Variants in ASNSD1 observed in about 807,000 individuals in gnomAD.
ASNSD1 encodes the protein asparagine synthetase domain containing 1.
ASNSD1 carries 36 observed loss-of-function variants against 48.3 expected under a neutral mutation model. The ratio of observed to expected loss-of-function variants is 0.75; its 90% CI spans 0.57 to 0.99. The LOEUF (loss-of-function observed/expected upper bound fraction) is 0.99. Ranked by LOEUF, ASNSD1 falls within the 50% of genes least tolerant of loss-of-function variation. ASNSD1 has a pLI of 0.00. For missense variants in ASNSD1, 714 were observed against 758.2 expected, an observed-to-expected ratio of 0.94 and a Z score of 0.69; for synonymous variants, 257 against 262.1, an observed-to-expected ratio of 0.98 and a Z score of 0.19.
Position 189,666,384 on chromosome 2 carries a change from G to A in ASNSD1, c.252G>A (p.Lys84=). 1 of 1,613,974 alleles carries A rather than the reference G, an allele frequency of 6.2e-7. No individual in the cohort carries two copies. Among genetic ancestry groups the A allele is most frequent in the Non-Finnish European group, 8.5e-7 (1 of 1,179,952 alleles). The stretch of plus-strand genomic sequence containing the variant: ...ATGGAGAAATTTTTAGTGGAATAAA[G>A]GTTGAAGCTGAAGAGAATGACACTC... The part of the protein sequence containing the change: ...LWNGEIFSGI[K]VEAEENDTQI... Residue 84 remains lysine (K), a synonymous_variant, in exon 4 of 6, where the codon AAG becomes AAA. Transcript: ENST00000260952.
intron 1 of ASNSD1, 138 bp from the exon 2 acceptor site, chr2:189,663,763 T>G (rs761066229): frequency 1.5e-5 from 5 of 334,426 alleles, no homozygotes; most frequent in Non-Finnish European, 2.7e-5. Flanking sequence ...ATCTGTATAT[T>G]CACAAACTGC....
In ASNSD1 at chr2:189,666,163, T is replaced by C; in HGVS notation, c.31T>C (p.Ser11Pro). The change falls in exon 4 of 6, where the codon TCT becomes CCT. Residue 11 changes from serine (S) to proline (P), a missense_variant. Transcript: ENST00000260952. ...TGGCATTTGTTGTTCTGTAAACTTTTCTGCTGAGCATTTCAGTCAAGATTT... is the reference window on the plus strand; with the variant it reads ...TGGCATTTGTTGTTCTGTAAACTTTCCTGCTGAGCATTTCAGTCAAGATTT... Reference protein sequence around the residue: MCGICCSVNFSAEHFSQDLKE... With the variant: MCGICCSVNFPAEHFSQDLKE... 1 of 1,590,756 alleles carries C rather than the reference T, an allele frequency of 6.3e-7. No individual in the cohort carries two copies. The highest frequency in any genetic ancestry group is 1.2e-5 in the South Asian group (1 of 86,508).
rs1020286316 is a variant in ASNSD1, at chr2:189,667,483, C to T, written c.1351C>T (p.Pro451Ser). The T allele has an allele frequency of 1.9e-6, 3 of 1,614,114 alleles. No individual in the cohort carries two copies. The highest frequency in any genetic ancestry group is 2.5e-6 in the Non-Finnish European group (3 of 1,180,028). The change falls in exon 4 of 6, where the codon CCA becomes TCA. Residue 451 changes from proline (P) to serine (S), a missense_variant. By Grantham distance (74) the Pro-to-Ser change is moderately conservative. Transcript: ENST00000260952. ...RRTRICHLIR[P>S]LDTVLDDSIG... is the part of the protein sequence containing the mutation. ...AACTCGAATATGTCACTTAATTCGG[C>T]CATTGGATACAGTTTTGGATGATAG...
chr2:189,665,568 G>A (rs2032766165), intron 3 of ASNSD1, 117 bp downstream of exon 3: 1 of 246,864 alleles, frequency 4.1e-6, no homozygotes, highest in South Asian at 1.8e-4. Context: ...TTAGGCTTCC[G>A]AAGATGAGTC....
rs1230403575 is a variant in ASNSD1 at position 189,666,619 on chromosome 2, A to C, written c.487A>C (p.Thr163Pro). 3 of 1,614,138 alleles carry C rather than the reference A, an allele frequency of 1.9e-6. No homozygotes were observed. Among genetic ancestry groups the C allele is most frequent in the Non-Finnish European group, 2.5e-6 (3 of 1,180,014 alleles). The change falls in exon 4 of 6, where the codon ACA (threonine) becomes CCA (proline). Residue 163 changes from threonine to proline, a missense_variant. Thr to Pro is a conservative substitution (Grantham distance 38). Transcript: ENST00000260952. ...SFCLSSVGTQ[T>P]SGLANQWQEV... ...CTGCCTCTCTTCAGTTGGCACCCAA[A>C]CATCTGGATTGGCAAATCAGTGGCA... is the stretch of plus-strand genomic sequence containing the variant.
intron 5 of ASNSD1, among the ~76,000 whole-genome samples, chr2:189,669,295 A>G (rs1391877394): frequency 6.6e-6 from 1 of 152,246 alleles, no homozygotes; most frequent in African/African-American, 2.4e-5. Context: ...TTTCTCTTTG[A>G]AGGACATGAG....
Position 189,666,559 on chromosome 2 carries a change from T to A in ASNSD1, c.427T>A (p.Leu143Met). 6.2e-7 allele frequency: 1 copy of A among 1,614,040 alleles called. No homozygotes were observed. The highest frequency in any genetic ancestry group is 8.5e-7 in the Non-Finnish European group (1 of 1,179,980). ...TAGGGATTTTTTTGGTCGCCGTAGC[T>A]TGCTTTGGCATTTTAGTAATTTGGG... Reference protein sequence around the residue: ...FGRDFFGRRSLLWHFSNLGKS... With the variant: ...FGRDFFGRRSMLWHFSNLGKS... Residue 143 changes from leucine to methionine, a missense_variant, in exon 4 of 6, where the codon TTG becomes ATG. Leu to Met is a conservative substitution (Grantham distance 15). Coordinates refer to ENST00000260952, the MANE Select transcript of ASNSD1 (RefSeq NM_019048.4).
chr2:189,668,776 A>G (rs2032865754), intron 5 of ASNSD1, among the ~76,000 whole-genome samples: 1 of 152,212 alleles, frequency 6.6e-6, no homozygotes. Flanking sequence ...ATTACCTAAA[A>G]CCTTCAAAGA....
chr2:189,669,107 C>G (rs1403748436), intron 5 of ASNSD1, among the ~76,000 whole-genome samples: 1 of 152,192 alleles, frequency 6.6e-6, no homozygotes, highest in African/African-American at 2.4e-5. Flanking sequence ...GTCTCTACTT[C>G]AGTCTTTTCC....
rs75462429 is a variant in ASNSD1, at chr2:189,667,633, G to T, written c.1464+37G>T. On this transcript the variant is annotated intron_variant, in intron 4 of 5. Coordinates refer to ENST00000260952, the MANE Select transcript of ASNSD1 (RefSeq NM_019048.4). ...TGTTTCTTCTCCTGAGAATTCCTGA[G>T]ACCTATTTTTGACCCTTAAAGCTTT... is the stretch of plus-strand genomic sequence containing the variant. 6.9e-4 allele frequency: 1,075 copies of T among 1,554,844 alleles called. 9 individuals are homozygous for T. The East Asian group carries it at 0.016, about 23-fold the overall frequency.
rs139770698 is a variant in ASNSD1 at position 189,666,802 on chromosome 2, G to C, written c.670G>C (p.Ala224Pro). The change falls in exon 4 of 6, where the codon GCA (alanine) becomes CCA (proline). Residue 224 changes from alanine to proline, a missense_variant. Transcript: ENST00000260952. ...GAGTCAAATTTCAGCAGACTTACCA[G>C]CATTTGTATCAGTGGTAGCAAATGA... ...SLSQISADLPAFVSVVANEAK... is the reference protein window; with the variant it reads ...SLSQISADLPPFVSVVANEAK... 3.8e-5 allele frequency: 61 copies of C among 1,613,776 alleles called. No homozygotes were observed. Among genetic ancestry groups the C allele is most frequent in the Non-Finnish European group, 5.0e-5 (59 of 1,179,816 alleles).
Position 189,670,400 on chromosome 2 carries a change from TTTTA to T in ASNSD1, c.1647-37_1647-34del, listed in dbSNP as rs754375660. On this transcript the variant is annotated intron_variant, in intron 5 of 5. Transcript: ENST00000260952. ...CTGTGTATAAATCAAAGCAGGTTGATTTTATTTTTACATAGTGGTTATATTATCT... is the reference window on the plus strand; with the variant it reads ...CTGTGTATAAATCAAAGCAGGTTGATTTTTTACATAGTGGTTATATTATCT... 3.3e-6 allele frequency: 5 copies of T among 1,522,944 alleles called. No individual in the cohort carries two copies. The Admixed American group carries it at 9.9e-5, about 30-fold the overall frequency. The allele number at this position is 1,522,944 out of a possible 1,614,324, so 94.3% of individuals were successfully genotyped here.
chr2:189,670,042 C>T (rs2118453), intron 5 of ASNSD1, among the ~76,000 whole-genome samples: 5,114 of 152,074 alleles, frequency 0.034, 297 homozygotes, highest in African/African-American at 0.12. Flanking sequence ...GGTGCGGTGG[C>T]TCACTCCTGT....
intron 5 of ASNSD1, among the ~76,000 whole-genome samples, chr2:189,668,418 G>A (rs1258370928): frequency 2.0e-5 from 3 of 152,214 alleles, no homozygotes; most frequent in Non-Finnish European, 4.4e-5. Flanking sequence ...TCGGGAGGCT[G>A]AGAATGGCTG....
chr2:189,665,308 G>T, intron 2 of ASNSD1, 68 bp from the exon 3 acceptor site: 1 of 384,932 alleles, frequency 2.6e-6, no homozygotes, highest in Non-Finnish European at 4.6e-6. Flanking sequence ...AGTGATAATA[G>T]GGTTTAAGGA....
chr2:189,662,228 G>A (rs1015670082), intron 1 of ASNSD1, among the ~76,000 whole-genome samples: 6 of 152,180 alleles, frequency 3.9e-5, no homozygotes, highest in Admixed American at 2.6e-4. Context: ...GAGAGAGGAA[G>A]CCAATATAAT....
Position 189,666,277 on chromosome 2 carries a change from T to C in ASNSD1, c.145T>C (p.Phe49Leu). 1 of 1,614,150 alleles carries C rather than the reference T, an allele frequency of 6.2e-7. No individual in the cohort carries two copies. The highest frequency in any genetic ancestry group is 8.5e-7 in the Non-Finnish European group (1 of 1,180,012). The change falls in exon 4 of 6, where the codon TTT becomes CTT. Residue 49 changes from phenylalanine to leucine, a missense_variant. Coordinates refer to ENST00000260952, the MANE Select transcript of ASNSD1 (RefSeq NM_019048.4). ...LKSDVNYQCL[F>L]SAHVLHLRGV... The stretch of plus-strand genomic sequence containing the variant: ...GTCTGATGTTAACTACCAGTGTTTA[T>C]TTTCTGCTCACGTCCTACACTTGAG...
At position 189,670,428 on chromosome 2, in the gene ASNSD1, C is replaced by T. The variant is rs759108859; in HGVS notation, c.1647-13C>T. 3 of 1,586,728 alleles carry T rather than the reference C, an allele frequency of 1.9e-6. No individual in the cohort carries two copies. Among genetic ancestry groups the T allele is most frequent in the South Asian group, 1.1e-5 (1 of 88,538 alleles). On this transcript the variant is annotated splice_polypyrimidine_tract_variant and intron_variant, in intron 5 of 5. Transcript: ENST00000260952. ...TATTTTTACATAGTGGTTATATTAT[C>T]TGTCTATTTTAGATTTCCTTTCCTG...
chr2:189,665,646 ATT>A (rs2032785096), intron 3 of ASNSD1, among the ~76,000 whole-genome samples, 195 bp downstream of exon 3: 1 of 133,566 alleles, frequency 7.5e-6, no homozygotes. Context: ...ATATATATAT[ATT>A]ATAAATGTTT....
Sources: gnomAD v4.1 joint callset for allele counts (sites outside exome capture counted in the v4.1 genomes callset) on GRCh38, gnomAD v4.1.1 for gene constraint, MANE v1.5 for transcripts, NCBI Gene and HGNC (gene_info 2026-07-23, HGNC 2026-07-21) for gene names.